PCDH15: variants seen among roughly 807,000 people sequenced by gnomAD.
The protein encoded by PCDH15 is protocadherin-15.
A neutral mutation model predicts 178.5 loss-of-function variants in PCDH15; 129 were observed. That is an observed-to-expected ratio of 0.72 (90% CI 0.63 to 0.84). The LOEUF (loss-of-function observed/expected upper bound fraction) is 0.84, where lower values mean the gene tolerates loss of function less well. PCDH15 is among the 40% of genes least tolerant of loss of function. The pLI is 0.00. For missense variants in PCDH15, 2,230 were observed against 2,099.9 expected (o/e 1.06, Z -1.21); for synonymous variants, 800 against 732.0 (o/e 1.09, Z -1.50).
intron 2 of PCDH15, among the ~76,000 whole-genome samples, chr10:55,363,466 A>T (rs1435929891): frequency 6.6e-6 from 1 of 152,130 alleles, no homozygotes; most frequent in Non-Finnish European, 1.5e-5. Context: ...TGGTAAGTGT[A>T]TGTTTTGTTT....
intron 25 of PCDH15, among the ~76,000 whole-genome samples, chr10:53,928,355 A>G (rs193093036): frequency 5.9e-5 from 9 of 152,182 alleles, no homozygotes; most frequent in African/African-American, 1.9e-4. Flanking sequence ...TGCATTATCC[A>G]TAAGTGATAA....
At chr10:55,125,163 T>TTGTGTGTGTGTGTGTGTGTGTGTG (rs34423359) in intron 2 of PCDH15, among the ~76,000 whole-genome samples, 5 of 143,084 alleles carry the variant, frequency 3.5e-5, no homozygotes, top group South Asian at 2.3e-4. Context: ...TTTTTTTTAA[T>TTGTGTGTGTGTGTGTGTGTGTGTG]TGTGTGTGTG....
intron 3 of PCDH15, among the ~76,000 whole-genome samples, chr10:54,523,553 T>G (rs1398081021): frequency 6.6e-6 from 1 of 152,164 alleles, no homozygotes; most frequent in East Asian, 1.9e-4. Context: ...TTAAATCACA[T>G]GACATACTTA....
intron 2 of PCDH15, among the ~76,000 whole-genome samples, chr10:54,540,038 C>T (rs2085034330): frequency 1.3e-5 from 2 of 152,024 alleles, no homozygotes; most frequent in African/African-American, 4.8e-5. Flanking sequence ...AAATGCCTAC[C>T]TTAAAAAGTT....
chr10:55,465,171 T>G lies in PCDH15; in HGVS notation c.-156+162454A>C, dbSNP rs551529881. 2.6e-5 allele frequency among the ~76,000 whole-genome samples: 4 copies of G among 152,266 alleles called. No individual in the cohort carries two copies. The South Asian group carries it at 8.3e-4, about 32-fold the overall frequency. On this transcript the variant is annotated intron_variant, in intron 2 of 5. Coordinates refer to the PCDH15 transcript ENST00000613346. ...TTTAGGAAATTGACTCACAGGATCA[T>G]GAGGGCTGGCAGTCTGAAATCTGCA...
At chr10:54,545,735 T>G (rs998137973) in intron 2 of PCDH15, among the ~76,000 whole-genome samples, 5 of 152,178 alleles carry the variant, frequency 3.3e-5, no homozygotes, top group Admixed American at 6.6e-5. Flanking sequence ...AGTAAAACAT[T>G]ATATATGTTT....
intron 1 of PCDH15, among the ~76,000 whole-genome samples, chr10:54,664,777 G>A (rs965441081): frequency 2.0e-5 from 3 of 151,858 alleles, no homozygotes; most frequent in African/African-American, 7.3e-5. Context: ...CTAGTAGAGT[G>A]ATCAGAGATT....
intron 26 of PCDH15, among the ~76,000 whole-genome samples, chr10:53,875,341 A>AAATG (rs1435857029): frequency 1.3e-5 from 2 of 151,860 alleles, no homozygotes; most frequent in Non-Finnish European, 1.5e-5. Context: ...TGGCATAAAT[A>AAATG]ATTCATAAAT....
At chr10:54,010,388 C>G (rs937595368) in intron 20 of PCDH15, among the ~76,000 whole-genome samples, 2 of 152,122 alleles carry the variant, frequency 1.3e-5, no homozygotes, top group African/African-American at 4.8e-5. Context: ...GGACAGAGCT[C>G]CCAGAGGGCA....
chr10:54,533,314 T>C (rs933001919), intron 2 of PCDH15, among the ~76,000 whole-genome samples: 7 of 152,080 alleles, frequency 4.6e-5, no homozygotes, highest in Admixed American at 1.3e-4. Flanking sequence ...GAGGAAAAAA[T>C]TGACAGATAA....
chr10:54,601,918 T>A (rs1288519715), intron 2 of PCDH15, among the ~76,000 whole-genome samples: 2 of 151,784 alleles, frequency 1.3e-5, no homozygotes, highest in African/African-American at 4.8e-5. Flanking sequence ...CACTTATAAG[T>A]GGGAGCTAAA....
chr10:55,540,114 T>C (rs557186831), intron 2 of PCDH15, among the ~76,000 whole-genome samples: 2 of 152,256 alleles, frequency 1.3e-5, no homozygotes, highest in African/African-American at 4.8e-5. Flanking sequence ...CACCAATTGA[T>C]ACAACTCAGA....
chr10:55,289,007 A>C, intron 1 of PCDH15, among the ~76,000 whole-genome samples: 1 of 152,146 alleles, frequency 6.6e-6, no homozygotes, highest in East Asian at 1.9e-4. Flanking sequence ...ATAATTTGCT[A>C]TCATTTCTTT....
At chr10:55,517,308 A>T (rs1841040959) in intron 2 of PCDH15, among the ~76,000 whole-genome samples, 1 of 152,102 alleles carries the variant, frequency 6.6e-6, no homozygotes, top group African/African-American at 2.4e-5. Context: ...CAAATATTAA[A>T]TATTTTGAGC....
At chr10:53,989,692 A>G (rs1216669797) in intron 21 of PCDH15, among the ~76,000 whole-genome samples, 1 of 152,164 alleles carries the variant, frequency 6.6e-6, no homozygotes, top group Non-Finnish European at 1.5e-5. Context: ...CAACAACAAC[A>G]CTGAGCTGTG....
At chr10:55,246,403 T>G (rs986153010) in intron 1 of PCDH15, among the ~76,000 whole-genome samples, 2 of 151,794 alleles carry the variant, frequency 1.3e-5, no homozygotes, top group African/African-American at 4.8e-5. Context: ...GAGGGAGGAG[T>G]CTGAATTACT....
intron 10 of PCDH15, among the ~76,000 whole-genome samples, chr10:54,211,045 T>C (rs1276194112): frequency 6.6e-6 from 1 of 152,110 alleles, no homozygotes. Context: ...GAAGTATAAA[T>C]ATATCAACTA....
intron 32 of PCDH15, chr10:53,822,500 A>AGGAGAGATGTTTGGTG (rs2076356953): frequency 6.2e-7 from 1 of 1,612,368 alleles, no homozygotes; most frequent in South Asian, 1.1e-5. Context: ...GACAGGCAGA[A>AGGAGAGATGTTTGGTG]GGAGAGATGT....
intron 2 of PCDH15, among the ~76,000 whole-genome samples, chr10:55,522,060 T>A (rs1426798042): frequency 3.3e-5 from 5 of 151,914 alleles, no homozygotes; most frequent in Non-Finnish European, 5.9e-5. Context: ...AGTCTGTATA[T>A]CTAGAAATAG....
Sources: allele counts gnomAD v4.1 joint callset (sites outside exome capture counted in the v4.1 genomes callset), GRCh38; gene constraint gnomAD v4.1.1; transcripts MANE v1.5; gene names NCBI Gene and HGNC (gene_info 2026-07-23, HGNC 2026-07-21).